Variants in NALF1 observed in about 807,000 individuals in gnomAD.
NALF1 encodes the protein family with sequence similarity 155 member A.
In NALF1, 3 loss-of-function variants were observed where a neutral mutation model predicts 48.4. The ratio of observed to expected loss-of-function variants is 0.06; its 90% confidence interval spans 0.03 to 0.16. The LOEUF (loss-of-function observed/expected upper bound fraction) is 0.16, where lower values mean the gene tolerates loss of function less well. Among genes scored for constraint, NALF1 ranks in the 10% least tolerant of loss-of-function variants. NALF1 has a pLI of 1.00. For missense variants in NALF1, 526 were observed against 571.5 expected (o/e 0.92, Z 0.81); for synonymous variants, 262 against 245.7 (o/e 1.07, Z -0.62).
intron 1 of NALF1, among the ~76,000 whole-genome samples, chr13:107,524,830 T>A (rs1876375634): frequency 6.6e-6 from 1 of 152,140 alleles, no homozygotes; most frequent in African/African-American, 2.4e-5. Flanking sequence ...ACTGTATATA[T>A]AATATTTACG....
At chr13:107,500,164 C>T (rs960830382) in intron 1 of NALF1, among the ~76,000 whole-genome samples, 3 of 152,138 alleles carry the variant, frequency 2.0e-5, no homozygotes, top group Non-Finnish European at 4.4e-5. Flanking sequence ...AAAAACACTC[C>T]ACTGTTTTGG....
chr13:107,586,337 C>T (rs1263146226), intron 1 of NALF1, among the ~76,000 whole-genome samples: 1 of 151,966 alleles, frequency 6.6e-6, no homozygotes, highest in East Asian at 1.9e-4. Flanking sequence ...GTCTTATACC[C>T]CTTTACTAAT....
At chr13:107,669,630 C>A (rs1365782519) in intron 1 of NALF1, among the ~76,000 whole-genome samples, 1 of 152,156 alleles carries the variant, frequency 6.6e-6, no homozygotes, top group Non-Finnish European at 1.5e-5. Flanking sequence ...ACCAACACAA[C>A]CACATTTTTC....
rs1418348103 is a variant in NALF1 at position 107,404,020 on chromosome 13, C to T, written c.916-193265G>A. Reference sequence around the variant, plus strand: ...CATGCATCAGGGTGCAATCAATAAACACTTAAAAATAAAGATTTAGTTACA... The same window carrying T: ...CATGCATCAGGGTGCAATCAATAAATACTTAAAAATAAAGATTTAGTTACA... On this transcript the variant is annotated intron_variant, in intron 1 of 2. Transcript: ENST00000375915. Among the ~76,000 whole-genome samples, 6 of 152,072 alleles carry T rather than the reference C, an allele frequency of 3.9e-5. No homozygotes were observed. The East Asian group carries it at 9.7e-4, about 24-fold the overall frequency.
chr13:107,707,023 C>T (rs370433489), intron 1 of NALF1, among the ~76,000 whole-genome samples: 78 of 142,032 alleles, frequency 5.5e-4, no homozygotes, highest in East Asian at 4.4e-3. Context: ...CCCGGGTTCA[C>T]GCCATTCTCC....
intron 1 of NALF1, among the ~76,000 whole-genome samples, chr13:107,715,228 G>A (rs367882323): frequency 1.3e-5 from 2 of 150,552 alleles, no homozygotes; most frequent in South Asian, 2.1e-4. Context: ...TTGAAACAGA[G>A]TTTCACGCTT....
chr13:107,608,592 T>C (rs1383961852), intron 1 of NALF1, among the ~76,000 whole-genome samples: 1 of 152,110 alleles, frequency 6.6e-6, no homozygotes, highest in Non-Finnish European at 1.5e-5. Flanking sequence ...GATTGGGTGG[T>C]TGGGGGAAGC....
intron 1 of NALF1, among the ~76,000 whole-genome samples, chr13:107,833,774 A>G (rs1388834565): frequency 6.6e-6 from 1 of 152,178 alleles, no homozygotes; most frequent in Non-Finnish European, 1.5e-5. Context: ...TTCTCATGTA[A>G]AGGTATTATT....
intron 1 of NALF1, among the ~76,000 whole-genome samples, chr13:107,486,294 G>A (rs1555304034): frequency 1.3e-5 from 2 of 152,128 alleles, no homozygotes; most frequent in Admixed American, 6.5e-5. Flanking sequence ...GACCTGGGTC[G>A]ATATGTACCA....
chr13:107,861,129 A>C (rs1333017064), intron 1 of NALF1, among the ~76,000 whole-genome samples: 2 of 152,220 alleles, frequency 1.3e-5, no homozygotes, highest in Non-Finnish European at 2.9e-5. Flanking sequence ...ATAGTTGTAC[A>C]TGGAGCAAGA....
In NALF1 at chr13:107,558,124, GA is replaced by G. The variant is rs765351614; in HGVS notation, c.915+307557del. Among the ~76,000 whole-genome samples, 296 of 137,894 alleles carry G rather than the reference GA, an allele frequency of 2.1e-3. 2 individuals carry two copies. The highest frequency in any genetic ancestry group is 5.0e-3 in the African/African-American group (189 of 37,624). 90.5% of individuals were successfully genotyped at this position (137,894 alleles called of 152,430 possible). A position where few individuals can be genotyped will look rare whatever the true frequency, so the allele number is the denominator to read the frequency against. ...AGATTTTTCCCTGAGAATCTTCCAAGAAAAAAAAAAAAATTCAAATGTTGAT... is the reference window on the plus strand; with the variant it reads ...AGATTTTTCCCTGAGAATCTTCCAAGAAAAAAAAAAAATTCAAATGTTGAT... On this transcript the variant is annotated intron_variant, in intron 1 of 2. Coordinates refer to ENST00000375915, the MANE Select transcript of NALF1 (RefSeq NM_001080396.3).
At chr13:107,340,731 T>C (rs1319252174) in intron 1 of NALF1, among the ~76,000 whole-genome samples, 1 of 152,150 alleles carries the variant, frequency 6.6e-6, no homozygotes, top group East Asian at 1.9e-4. Context: ...TTGTCCATTT[T>C]CAGTTTCAAT....
intron 1 of NALF1, among the ~76,000 whole-genome samples, chr13:107,845,548 T>G (rs1281004674): frequency 6.6e-6 from 1 of 152,206 alleles, no homozygotes; most frequent in African/African-American, 2.4e-5. Context: ...ATCCCCACAC[T>G]GTGTCTTCCA....
At chr13:107,182,435 T>C (rs1337929712) in intron 2 of NALF1, among the ~76,000 whole-genome samples, 1 of 151,986 alleles carries the variant, frequency 6.6e-6, no homozygotes, top group Non-Finnish European at 1.5e-5. Context: ...CCACCACGCC[T>C]GGCTAATTTT....
chr13:107,553,955 C>T (rs906564621), intron 1 of NALF1, among the ~76,000 whole-genome samples: 2 of 152,238 alleles, frequency 1.3e-5, no homozygotes, highest in Non-Finnish European at 2.9e-5. Context: ...TGCACTGACA[C>T]AGCCAGAGAG....
intron 2 of NALF1, among the ~76,000 whole-genome samples, chr13:107,175,996 A>G (rs761149974): frequency 1.8e-4 from 27 of 152,126 alleles, no homozygotes; most frequent in Non-Finnish European, 3.8e-4. Flanking sequence ...CATAGGTAGC[A>G]TGCCTGAGAG....
intron 1 of NALF1, among the ~76,000 whole-genome samples, chr13:107,370,331 A>G (rs1189243395): frequency 6.6e-6 from 1 of 152,182 alleles, no homozygotes; most frequent in Non-Finnish European, 1.5e-5. Flanking sequence ...CTTCACTTGG[A>G]AAGATACTCA....
intron 1 of NALF1, among the ~76,000 whole-genome samples, chr13:107,483,602 AG>A (rs1434290104): frequency 5.9e-5 from 9 of 152,258 alleles, no homozygotes; most frequent in African/African-American, 2.2e-4. Flanking sequence ...AGATTATTTT[AG>A]AATAGGAATA....
chr13:107,361,116 C>T (rs1391714363), intron 1 of NALF1, among the ~76,000 whole-genome samples: 1 of 152,170 alleles, frequency 6.6e-6, no homozygotes, highest in African/African-American at 2.4e-5. Flanking sequence ...CAACCCAGAG[C>T]TTGCATTCTT....
Sources: gnomAD v4.1 joint callset for allele counts (sites outside exome capture counted in the v4.1 genomes callset) on GRCh38, gnomAD v4.1.1 for gene constraint, MANE v1.5 for transcripts, NCBI Gene and HGNC (gene_info 2026-07-23, HGNC 2026-07-21) for gene names.